UGT1A8: variants seen among roughly 807,000 people sequenced by gnomAD.
UGT1A8 encodes the protein UDP-glucuronosyltransferase 1A8.
In UGT1A8, 39 loss-of-function variants were observed where a neutral mutation model predicts 45.3. The ratio of observed to expected loss-of-function variants is 0.86; its 90% CI spans 0.67 to 1.12. UGT1A8 has a LOEUF of 1.12. Ranked by LOEUF, UGT1A8 falls within the 50% of genes most tolerant of loss-of-function variation. The pLI is 0.00. For synonymous variants in UGT1A8, 275 were observed against 249.2 expected, an observed-to-expected ratio of 1.10 and a Z score of -0.97; for missense variants, 719 against 664.9, an observed-to-expected ratio of 1.08 and a Z score of -0.90.
chr2:233,713,925 T>C, intron 1 of UGT1A8: 1 of 1,612,092 alleles, frequency 6.2e-7, no homozygotes, highest in South Asian at 1.1e-5. Flanking sequence ...TGTATTTACT[T>C]ACAAGTGCTT....
intron 2 of UGT1A8, 147 bp from the exon 3 acceptor site, chr2:233,767,702 C>A: frequency 1.3e-6 from 2 of 1,514,192 alleles, no homozygotes; most frequent in Non-Finnish European, 1.8e-6. Flanking sequence ...AGTTGCCAGT[C>A]CTCAGAAGCC....
intron 1 of UGT1A8, chr2:233,743,548 C>T (rs61744897): frequency 1.5e-6 from 2 of 1,367,296 alleles, no homozygotes; most frequent in Non-Finnish European, 2.0e-6. Flanking sequence ...CTGACCCCCC[C>T]AAAATATTCT....
chr2:233,718,727 A>T, intron 1 of UGT1A8: 1 of 1,610,864 alleles, frequency 6.2e-7, no homozygotes, highest in Non-Finnish European at 8.5e-7. Flanking sequence ...CTGATTTGCT[A>T]GGTGGCTCAA....
rs938155548 is a variant in UGT1A8, at chr2:233,617,863, G to A, written c.156G>A (p.Gly52=). 2.5e-6 allele frequency: 4 copies of A among 1,614,000 alleles called. No homozygotes were observed. In the African/African-American group the frequency reaches 4.0e-5, roughly 16 times the overall value. Residue 52 remains glycine, a synonymous_variant, in exon 1 of 5, where the codon GGG becomes GGA. Coordinates refer to ENST00000373450, the MANE Select transcript of UGT1A8 (RefSeq NM_019076.5). ...TGGTGGAGAAACTTATCCTCAGGGG[G>A]CATGAGGTGGTTGTAGTCATGCCAG... The part of the protein sequence containing the change: ...QSVVEKLILR[G]HEVVVVMPEV...
At chr2:233,664,174 A>G (rs1187122365) in intron 1 of UGT1A8, among the ~76,000 whole-genome samples, 2 of 152,160 alleles carry the variant, frequency 1.3e-5, no homozygotes, top group Non-Finnish European at 2.9e-5. Context: ...ATGAGACCTC[A>G]TTAGCCTGGC....
Position 233,618,229 on chromosome 2 carries a change from C to T in UGT1A8, c.522C>T (p.Cys174=), listed in dbSNP as rs959676495. ...PSVVFARGIA[C]HYLEEGAQCP... ...TGGTCTTCGCCAGGGGAATAGCTTG[C>T]CACTATCTTGAAGAAGGTGCACAGT... The change falls in exon 1 of 5, where the codon TGC becomes TGT. Residue 174 remains cysteine (C), a synonymous_variant. Coordinates refer to ENST00000373450, the MANE Select transcript of UGT1A8 (RefSeq NM_019076.5). 1.2e-6 allele frequency: 2 copies of T among 1,613,932 alleles called. No homozygotes were observed. Among genetic ancestry groups the T allele is most frequent in the Non-Finnish European group, 1.7e-6 (2 of 1,179,876 alleles).
In UGT1A8 at chr2:233,618,115, C is replaced by G. The variant is rs1377457095; in HGVS notation, c.408C>G (p.Tyr136Ter). ...TTAATGACCGAAAATTAGTAGAATACTTAAAGGAGAGTTCTTTTGATGCGG... is the reference window on the plus strand; with the variant it reads ...TTAATGACCGAAAATTAGTAGAATAGTTAAAGGAGAGTTCTTTTGATGCGG... ...SLFNDRKLVE[Y>*]LKESSFDAVF... The change falls in exon 1 of 5, where the codon TAC (tyrosine) becomes TAG (stop). Residue 136 changes from tyrosine (Y) to a stop codon, truncating the protein, a stop_gained. Coordinates refer to ENST00000373450, the MANE Select transcript of UGT1A8 (RefSeq NM_019076.5). LOFTEE classifies it high-confidence loss of function. 1 of 1,614,060 alleles carries G rather than the reference C, an allele frequency of 6.2e-7. No individual in the cohort carries two copies. The highest frequency in any genetic ancestry group is 1.1e-5 in the South Asian group (1 of 91,076).
At chr2:233,713,955 C>T in intron 1 of UGT1A8, 1 of 1,607,704 alleles carries the variant, frequency 6.2e-7, no homozygotes, top group Non-Finnish European at 8.5e-7. Context: ...CTTATCTTTC[C>T]AAAGATTTCA....
intron 1 of UGT1A8, among the ~76,000 whole-genome samples, chr2:233,638,799 G>T (rs1036521884): frequency 6.6e-6 from 1 of 152,164 alleles, no homozygotes; most frequent in Admixed American, 6.5e-5. Flanking sequence ...CATCTCATAG[G>T]AAAGTGAAAT....
At chr2:233,760,708 G>A in intron 1 of UGT1A8, 2 of 1,614,172 alleles carry the variant, frequency 1.2e-6, no homozygotes, top group East Asian at 2.2e-5. Context: ...GGCCTCCCTG[G>A]CAGAAAGCAG....
intron 1 of UGT1A8, chr2:233,729,497 A>G (rs1450342762): frequency 6.8e-6 from 11 of 1,614,114 alleles, no homozygotes; most frequent in Non-Finnish European, 8.5e-6. Flanking sequence ...TCTTTGGTCT[A>G]TCATAGGTCT....
intron 1 of UGT1A8, chr2:233,648,654 C>A: frequency 3.8e-6 from 1 of 262,506 alleles, no homozygotes; most frequent in Non-Finnish European, 7.5e-6. Context: ...TTAGTGGAGA[C>A]GGGGTTTCAC....
At chr2:233,686,094 C>G (rs2074772715) in intron 1 of UGT1A8, among the ~76,000 whole-genome samples, 1 of 151,854 alleles carries the variant, frequency 6.6e-6, no homozygotes, top group Non-Finnish European at 1.5e-5. Flanking sequence ...ATATCCAAGT[C>G]CAAGAGAATG....
intron 1 of UGT1A8, chr2:233,748,159 A>T: frequency 6.3e-7 from 1 of 1,599,046 alleles, no homozygotes; most frequent in Non-Finnish European, 8.5e-7. Flanking sequence ...AATTGCTTCC[A>T]TATCTACTTA....
intron 1 of UGT1A8, among the ~76,000 whole-genome samples, chr2:233,638,641 C>A (rs183142864): frequency 8.5e-5 from 13 of 152,192 alleles, no homozygotes; most frequent in Admixed American, 7.8e-4. Context: ...AGATGAAACA[C>A]CTGGTGTCTC....
intron 1 of UGT1A8, among the ~76,000 whole-genome samples, chr2:233,627,774 T>A (rs2073116458): frequency 6.6e-6 from 1 of 151,906 alleles, no homozygotes; most frequent in Non-Finnish European, 1.5e-5. Context: ...ATGGTCCCAA[T>A]CAAGCAATTC....
At chr2:233,697,097 T>C (rs1160600500) in intron 1 of UGT1A8, among the ~76,000 whole-genome samples, 1 of 152,158 alleles carries the variant, frequency 6.6e-6, no homozygotes, top group Non-Finnish European at 1.5e-5. Flanking sequence ...TCTCACAGGA[T>C]GAGTTTGGAA....
At chr2:233,715,907 A>G (rs1294702392) in intron 1 of UGT1A8, among the ~76,000 whole-genome samples, 1 of 152,180 alleles carries the variant, frequency 6.6e-6, no homozygotes, top group East Asian at 1.9e-4. Flanking sequence ...CTCAGGTGGG[A>G]GGATCATTGA....
intron 1 of UGT1A8, among the ~76,000 whole-genome samples, chr2:233,631,362 G>C (rs2073182852): frequency 6.6e-6 from 1 of 152,102 alleles, no homozygotes; most frequent in South Asian, 2.1e-4. Context: ...CTAGTAATGG[G>C]ATTGCTGGGT....
Sources: allele counts gnomAD v4.1 joint callset (sites outside exome capture counted in the v4.1 genomes callset), GRCh38; gene constraint gnomAD v4.1.1; transcripts MANE v1.5; gene names NCBI Gene and HGNC (gene_info 2026-07-23, HGNC 2026-07-21).